Variants in NREP observed in about 807,000 individuals in gnomAD.
NREP encodes the protein neuronal regeneration related protein, also known as neuronal regeneration-related protein.
NREP carries 5 observed loss-of-function variants against 8.6 expected under a neutral mutation model. The ratio of observed to expected loss-of-function variants is 0.58; its 90% CI spans 0.30 to 1.22. The LOEUF (loss-of-function observed/expected upper bound fraction) is 1.22. NREP is among the 50% of genes most tolerant of loss of function. The pLI is 0.07. For synonymous variants in NREP, 27 were observed against 28.0 expected, an observed-to-expected ratio of 0.96 and a Z score of 0.11; for missense variants, 86 against 82.5, an observed-to-expected ratio of 1.04 and a Z score of -0.17.
intron 2 of NREP, among the ~76,000 whole-genome samples, chr5:111,745,569 A>C (rs1749949242): frequency 6.6e-6 from 1 of 152,180 alleles, no homozygotes; most frequent in Admixed American, 6.5e-5. Context: ...GATGGCTACC[A>C]ATGGACAATC....
intron 2 of NREP, among the ~76,000 whole-genome samples, chr5:111,736,013 C>T (rs1023054928): frequency 6.6e-6 from 1 of 152,028 alleles, no homozygotes; most frequent in African/African-American, 2.4e-5. Flanking sequence ...CTGAAACAGC[C>T]AAGTGTCTGA....
At chr5:111,882,374 G>A (rs888643750) in intron 2 of NREP, among the ~76,000 whole-genome samples, 4 of 152,174 alleles carry the variant, frequency 2.6e-5, no homozygotes, top group Non-Finnish European at 5.9e-5. Flanking sequence ...TGAAAGTGAC[G>A]GGGAGAATGG....
chr5:111,886,824 G>A (rs1754262862), intron 2 of NREP, among the ~76,000 whole-genome samples: 1 of 151,624 alleles, frequency 6.6e-6, no homozygotes. Flanking sequence ...GACTGTTGTG[G>A]GGTTGGGGGA....
chr5:111,817,006 A>C (rs1437002695), intron 2 of NREP, among the ~76,000 whole-genome samples: 1 of 152,160 alleles, frequency 6.6e-6, no homozygotes, highest in East Asian at 1.9e-4. Flanking sequence ...ATATTCAACC[A>C]AATGATTTAT....
At chr5:111,962,013 G>T (rs1001661752) in intron 2 of NREP, among the ~76,000 whole-genome samples, 1 of 152,080 alleles carries the variant, frequency 6.6e-6, no homozygotes, top group Non-Finnish European at 1.5e-5. Flanking sequence ...TTCAATTCAG[G>T]CTCCAGTCAA....
intron 2 of NREP, among the ~76,000 whole-genome samples, chr5:111,910,614 T>G (rs1158419081): frequency 6.6e-6 from 1 of 151,772 alleles, no homozygotes; most frequent in Non-Finnish European, 1.5e-5. Flanking sequence ...GCTTGCCGAG[T>G]ATGGGTTTAG....
chr5:111,937,060 A>T (rs1328889247), intron 2 of NREP, among the ~76,000 whole-genome samples: 1 of 152,094 alleles, frequency 6.6e-6, no homozygotes, highest in African/African-American at 2.4e-5. Context: ...TTTACAATTG[A>T]CAATAGGAAT....
intron 2 of NREP, among the ~76,000 whole-genome samples, chr5:111,923,893 T>C (rs576173858): frequency 6.6e-6 from 1 of 152,164 alleles, no homozygotes; most frequent in South Asian, 2.1e-4. Context: ...ATCAAGGTGG[T>C]TAAAGACCCT....
intron 2 of NREP, among the ~76,000 whole-genome samples, chr5:111,965,188 T>A (rs956854924): frequency 6.6e-6 from 1 of 152,160 alleles, no homozygotes; most frequent in Non-Finnish European, 1.5e-5. Flanking sequence ...TGATGTTTCT[T>A]TTTTGGTATA....
At position 111,883,215 on chromosome 5, in the gene NREP, C is replaced by G. The variant is rs371953942; in HGVS notation, c.135+92059G>C. Among the ~76,000 whole-genome samples, 3 of 152,140 alleles carry G rather than the reference C, an allele frequency of 2.0e-5. No homozygotes were observed. The East Asian group carries it at 5.8e-4, about 29-fold the overall frequency. On this transcript the variant is annotated intron_variant, in intron 2 of 3. Coordinates refer to the NREP transcript ENST00000395634. ...AAACAGACTTTAAACCAGCAAAGAT[C>G]AAAAGAGACAAAGCCATTACATAAT...
intron 2 of NREP, among the ~76,000 whole-genome samples, chr5:111,807,940 A>G (rs1478095797): frequency 6.6e-6 from 1 of 152,172 alleles, no homozygotes; most frequent in Non-Finnish European, 1.5e-5. Flanking sequence ...AATAACAACA[A>G]CAACAACAAA....
intron 2 of NREP, among the ~76,000 whole-genome samples, chr5:111,954,442 TG>T (rs1193611290): frequency 6.6e-6 from 1 of 152,174 alleles, no homozygotes; most frequent in Non-Finnish European, 1.5e-5. Flanking sequence ...ACTAGTGATA[TG>T]TTTTGGTTTG....
chr5:111,955,742 G>A (rs1756296358), intron 2 of NREP, among the ~76,000 whole-genome samples: 1 of 151,910 alleles, frequency 6.6e-6, no homozygotes, highest in Admixed American at 6.6e-5. Context: ...AGAATAATGA[G>A]AAATATCCAG....
intron 2 of NREP, among the ~76,000 whole-genome samples, chr5:111,832,001 A>G (rs1168459448): frequency 2.0e-5 from 3 of 152,162 alleles, no homozygotes; most frequent in Non-Finnish European, 4.4e-5. Flanking sequence ...TGAGTGTTAT[A>G]AGAACGCTTT....
At chr5:111,797,978 A>G (rs887315441) in intron 2 of NREP, among the ~76,000 whole-genome samples, 2 of 152,202 alleles carry the variant, frequency 1.3e-5, no homozygotes, top group African/African-American at 4.8e-5. Context: ...AAACAGAGAA[A>G]TTATTCATTT....
chr5:111,958,546 TA>T (rs1756392424), intron 2 of NREP, among the ~76,000 whole-genome samples: 1 of 151,650 alleles, frequency 6.6e-6, no homozygotes, highest in Non-Finnish European at 1.5e-5. Flanking sequence ...ATAGCCAATT[TA>T]AAAAATTTCA....
At chr5:111,866,029 G>A (rs1228015239) in intron 2 of NREP, among the ~76,000 whole-genome samples, 5 of 152,150 alleles carry the variant, frequency 3.3e-5, no homozygotes, top group Admixed American at 3.3e-4. Flanking sequence ...AAAATGCAGA[G>A]CTCTCTTGTG....
intron 2 of NREP, among the ~76,000 whole-genome samples, chr5:111,864,428 G>T (rs948644488): frequency 2.0e-5 from 3 of 152,026 alleles, no homozygotes; most frequent in African/African-American, 2.4e-5. Flanking sequence ...ATTTCTAATA[G>T]GGAGATATCA....
At chr5:111,808,537 A>G (rs1752195498) in intron 2 of NREP, among the ~76,000 whole-genome samples, 2 of 152,236 alleles carry the variant, frequency 1.3e-5, no homozygotes, top group South Asian at 4.2e-4. Flanking sequence ...TTACTTAAGA[A>G]TAACTAATAA....
Sources: allele counts gnomAD v4.1 joint callset (sites outside exome capture counted in the v4.1 genomes callset), GRCh38; gene constraint gnomAD v4.1.1; transcripts MANE v1.5; gene names NCBI Gene and HGNC (gene_info 2026-07-23, HGNC 2026-07-21).